Variants in DPP10 observed in about 807,000 individuals in gnomAD.
DPP10 encodes dipeptidyl peptidase like 10, also known as inactive dipeptidyl peptidase 10.
In DPP10, 33 loss-of-function variants were observed where a neutral mutation model predicts 120.9. The ratio of observed to expected loss-of-function variants is 0.27; its 90% confidence interval spans 0.21 to 0.37. DPP10 has a LOEUF of 0.37. Ranked by LOEUF, DPP10 falls within the 10% of genes least tolerant of loss-of-function variation. The probability of loss-of-function intolerance (pLI) is 1.00; values close to 1 mark genes in which losing one functional copy is unlikely to be tolerated. For missense variants in DPP10, 816 were observed against 942.8 expected (o/e 0.87, Z 1.76); for synonymous variants, 337 against 326.1 (o/e 1.03, Z -0.36).
chr2:115,135,034 G>C (rs921569784), intron 1 of DPP10, among the ~76,000 whole-genome samples: 1 of 152,006 alleles, frequency 6.6e-6, no homozygotes, highest in Non-Finnish European at 1.5e-5. Flanking sequence ...CCCAGGTTAG[G>C]AAGAGTAGTC....
At chr2:115,543,758 A>T (rs1291378937) in intron 5 of DPP10, among the ~76,000 whole-genome samples, 2 of 151,938 alleles carry the variant, frequency 1.3e-5, no homozygotes, top group African/African-American at 2.4e-5. Context: ...GTTATGTGTG[A>T]ATGTCGCTGT....
At chr2:115,128,233 G>A (rs1030887320) in intron 1 of DPP10, among the ~76,000 whole-genome samples, 1 of 151,858 alleles carries the variant, frequency 6.6e-6, no homozygotes, top group Non-Finnish European at 1.5e-5. Context: ...ACCTGAACTC[G>A]GAACCATTTC....
chr2:115,747,594 C>CTTTTT lies in DPP10; in HGVS notation c.950+1421_950+1425dup, dbSNP rs3980905. ...CTCTCTCAGGGCTGAATCCCCTTGT[C>CTTTTT]TTTTTTTTTTTTTTCTTGAGATGGA... On this transcript the variant is annotated intron_variant, in intron 10 of 25. Coordinates refer to ENST00000410059, the MANE Select transcript of DPP10 (RefSeq NM_020868.6). Among the ~76,000 whole-genome samples the CTTTTT allele has an allele frequency of 1.9e-4, 27 of 141,218 alleles. 1 individual carries two copies. The highest frequency in any genetic ancestry group is 2.2e-4 in the South Asian group (1 of 4,520). The allele number at this position is 141,218 out of a possible 152,430, so 92.6% of individuals were successfully genotyped here.
At chr2:114,853,179 G>T (rs1689102844) in intron 1 of DPP10, among the ~76,000 whole-genome samples, 1 of 152,178 alleles carries the variant, frequency 6.6e-6, no homozygotes, top group Non-Finnish European at 1.5e-5. Context: ...ATGATCTCTG[G>T]TAAGGGGCTT....
intron 1 of DPP10, among the ~76,000 whole-genome samples, chr2:114,929,115 A>G (rs6542231): frequency 0.33 from 49,709 of 151,962 alleles, 8,508 homozygotes; most frequent in Middle Eastern, 0.46. Flanking sequence ...GCAAGTTTTT[A>G]TTAGGGATTT....
intron 1 of DPP10, among the ~76,000 whole-genome samples, chr2:114,746,259 C>A (rs72830385): frequency 0.01 from 1,534 of 152,228 alleles, 11 homozygotes; most frequent in Middle Eastern, 0.034. Flanking sequence ...ATAGAAATAA[C>A]CATAGTGACA....
At position 115,201,997 on chromosome 2, in the gene DPP10, G is replaced by A. The variant is rs117167284; in HGVS notation, c.61-107242G>A. Among the ~76,000 whole-genome samples the A allele has an allele frequency of 1.4e-4, 22 of 152,188 alleles. No individual in the cohort carries two copies. In the East Asian group the frequency reaches 4.3e-3, roughly 29 times the overall value. ...GGATGAGGGTACTGCATGATTCAGG[G>A]TTCTCAATTTTGTGTTAAATTAATA... On this transcript the variant is annotated intron_variant, in intron 1 of 25. Coordinates refer to ENST00000410059, the MANE Select transcript of DPP10 (RefSeq NM_020868.6).
chr2:115,224,804 A>T (rs1179610386), intron 1 of DPP10, among the ~76,000 whole-genome samples: 6 of 152,314 alleles, frequency 3.9e-5, no homozygotes, highest in Non-Finnish European at 5.9e-5. Context: ...TTGTCTTTTT[A>T]AAAAATAAAA....
At chr2:114,818,923 T>C (rs985597310) in intron 1 of DPP10, among the ~76,000 whole-genome samples, 1 of 152,226 alleles carries the variant, frequency 6.6e-6, no homozygotes, top group African/African-American at 2.4e-5. Context: ...TTCAAGCAAC[T>C]ATATGTTGAA....
intron 1 of DPP10, among the ~76,000 whole-genome samples, chr2:114,589,041 G>T (rs571315817): frequency 6.0e-5 from 9 of 151,032 alleles, no homozygotes; most frequent in Admixed American, 2.6e-4. Flanking sequence ...TTTTTTTGGG[G>T]GGGGGGGTAG....
At chr2:115,026,629 G>C (rs1703481050) in intron 1 of DPP10, among the ~76,000 whole-genome samples, 1 of 152,098 alleles carries the variant, frequency 6.6e-6, no homozygotes, top group Non-Finnish European at 1.5e-5. Flanking sequence ...TCTGCCTCCT[G>C]TGTTCAAGCA....
At chr2:115,116,703 T>C (rs2049525172) in intron 1 of DPP10, among the ~76,000 whole-genome samples, 2 of 152,206 alleles carry the variant, frequency 1.3e-5, no homozygotes, top group African/African-American at 4.8e-5. Context: ...TTTACACATA[T>C]ATAATTGTTG....
chr2:115,361,617 T>C (rs1297772203), intron 3 of DPP10, among the ~76,000 whole-genome samples: 2 of 152,090 alleles, frequency 1.3e-5, no homozygotes, highest in Non-Finnish European at 2.9e-5. Flanking sequence ...ATTCAAATGT[T>C]TTTTGGGGTC....
At chr2:115,547,254 G>C (rs1237424248) in intron 5 of DPP10, among the ~76,000 whole-genome samples, 2 of 152,018 alleles carry the variant, frequency 1.3e-5, no homozygotes, top group Non-Finnish European at 2.9e-5. Context: ...AAGCTATCTG[G>C]CAATAACATA....
At chr2:114,913,620 G>C (rs1221775688) in intron 1 of DPP10, among the ~76,000 whole-genome samples, 6 of 152,164 alleles carry the variant, frequency 3.9e-5, no homozygotes, top group Non-Finnish European at 8.8e-5. Context: ...AGCCCAAATA[G>C]ATGAGGAAGA....
intron 1 of DPP10, among the ~76,000 whole-genome samples, chr2:115,132,077 G>A (rs1450329673): frequency 6.6e-6 from 1 of 152,064 alleles, no homozygotes; most frequent in African/African-American, 2.4e-5. Flanking sequence ...GCGACAGAGT[G>A]GCGCCATCTC....
intron 2 of DPP10, among the ~76,000 whole-genome samples, chr2:115,337,314 G>T (rs1429356477): frequency 6.6e-6 from 1 of 152,058 alleles, no homozygotes; most frequent in Non-Finnish European, 1.5e-5. Flanking sequence ...AAGGGTTCTA[G>T]TGGCTAAAAG....
chr2:114,694,151 CTTATT>C (rs1322773145), intron 1 of DPP10, among the ~76,000 whole-genome samples: 1 of 151,876 alleles, frequency 6.6e-6, no homozygotes, highest in Non-Finnish European at 1.5e-5. Flanking sequence ...TTTCTTTGAA[CTTATT>C]TTATTAATTT....
chr2:115,840,030 G>C (rs1349328322), intron 24 of DPP10, among the ~76,000 whole-genome samples: 1 of 151,916 alleles, frequency 6.6e-6, no homozygotes, highest in South Asian at 2.1e-4. Context: ...CTGTGCCCTA[G>C]TAATCTTCAA....
Sources: gnomAD v4.1 joint callset for allele counts (sites outside exome capture counted in the v4.1 genomes callset) on GRCh38, gnomAD v4.1.1 for gene constraint, MANE v1.5 for transcripts, NCBI Gene and HGNC (gene_info 2026-07-23, HGNC 2026-07-21) for gene names.